VPS13C: variants seen among roughly 807,000 people sequenced by gnomAD.
VPS13C encodes intermembrane lipid transfer protein VPS13C.
VPS13C carries 358 observed loss-of-function variants against 456.8 expected under a neutral mutation model. That is an observed-to-expected ratio of 0.78 (90% confidence interval 0.72 to 0.86). The LOEUF (loss-of-function observed/expected upper bound fraction) is 0.86. VPS13C is among the 40% of genes least tolerant of loss of function. The probability of loss-of-function intolerance (pLI) is 0.00; values close to 1 mark genes in which losing one functional copy is unlikely to be tolerated. For missense variants in VPS13C, 4,818 were observed against 4,385.4 expected, an observed-to-expected ratio of 1.10 and a Z score of -2.79; for synonymous variants, 1,578 against 1,486.7, an observed-to-expected ratio of 1.06 and a Z score of -1.41.
chr15:61,962,553 C>T lies in VPS13C; in HGVS notation c.3436-15G>A. The stretch of plus-strand genomic sequence containing the variant: ...ATTGACACAGCCTGAAAAACAGAGA[C>T]TTGAATGTACTCTATCCGGGAAGGT... On this transcript the variant is annotated splice_polypyrimidine_tract_variant and intron_variant, in intron 33 of 84. Coordinates refer to ENST00000644861, the MANE Select transcript of VPS13C (RefSeq NM_020821.3). 1 of 1,603,430 alleles carries T rather than the reference C, an allele frequency of 6.2e-7. No individual in the cohort carries two copies. Among genetic ancestry groups the T allele is most frequent in the Non-Finnish European group, 8.5e-7 (1 of 1,174,044 alleles).
chr15:61,960,311 T>G (rs1297486878), intron 35 of VPS13C, among the ~76,000 whole-genome samples: 1 of 152,172 alleles, frequency 6.6e-6, no homozygotes, highest in Non-Finnish European at 1.5e-5. Flanking sequence ...GCTGAAGAAC[T>G]ACTCCAAAAT....
chr15:61,999,923 G>A (rs1273672323), intron 16 of VPS13C, among the ~76,000 whole-genome samples: 2 of 149,242 alleles, frequency 1.3e-5, no homozygotes, highest in Non-Finnish European at 3.0e-5. Context: ...AAAAAAAAAG[G>A]AGATAAAAAG....
chr15:61,989,451 C>T (rs2046158600), intron 18 of VPS13C, among the ~76,000 whole-genome samples: 1 of 151,866 alleles, frequency 6.6e-6, no homozygotes, highest in Non-Finnish European at 1.5e-5. Flanking sequence ...GGCAGACAGA[C>T]TTGCAACACA....
Position 61,854,935 on chromosome 15 carries a change from T to C in VPS13C, c.11096A>G (p.Lys3699Arg), listed in dbSNP as rs751208326. 1 of 1,613,124 alleles carries C rather than the reference T, an allele frequency of 6.2e-7. No homozygotes were observed. Among genetic ancestry groups the C allele is most frequent in the Non-Finnish European group, 8.5e-7 (1 of 1,179,692 alleles). Residue 3699 changes from lysine (K) to arginine (R), a missense_variant, in exon 84 of 85, where the codon AAA becomes AGA. Coordinates refer to ENST00000644861, the MANE Select transcript of VPS13C (RefSeq NM_020821.3). ...ISVKEQGLFHKKDSANQGCVR... is the reference protein window; with the variant it reads ...ISVKEQGLFHRKDSANQGCVR... The stretch of plus-strand genomic sequence containing the variant: ...ACAGCCTTGATTGGCACTGTCTTTT[T>C]TGTGGAACAGACCCTGTTCCTGTTT...
At position 61,867,738 on chromosome 15, in the gene VPS13C, A is replaced by G. The variant is rs139932185; in HGVS notation, c.10863+921T>C. 1,078 of 1,439,668 alleles carry G rather than the reference A, an allele frequency of 7.5e-4. 7 individuals carry two copies. In the African/African-American group the frequency reaches 0.014, roughly 19 times the overall value. The allele number at this position is 1,439,668 out of a possible 1,614,324, so 89.2% of individuals were successfully genotyped here. A position where few individuals can be genotyped will look rare whatever the true frequency, so the allele number is the denominator to read the frequency against. ...TTATACTAATCTCTTATTTCTGGACAGTATTACCAGGAATACCACAAGTTT... is the reference window on the plus strand; with the variant it reads ...TTATACTAATCTCTTATTTCTGGACGGTATTACCAGGAATACCACAAGTTT... On this transcript the variant is annotated intron_variant, in intron 81 of 84. Coordinates refer to ENST00000644861, the MANE Select transcript of VPS13C (RefSeq NM_020821.3). The surrounding 1 kb of genome is among the most constrained non-coding windows in gnomAD (Gnocchi z 5.0).
intron 39 of VPS13C, 90 bp downstream of exon 39, chr15:61,951,734 T>A (rs2044801156): frequency 2.2e-6 from 3 of 1,349,172 alleles, no homozygotes; most frequent in Non-Finnish European, 2.0e-6. Flanking sequence ...ATTAACACAA[T>A]TGCACAGAAA....
chr15:61,945,837 G>T lies in VPS13C; in HGVS notation c.5026C>A (p.Leu1676Ile). ...TCTCCTTCTGTGGCATCTGGATAAAGAGTCAGTTGGAACCTAAAGACTTCA... is the reference window on the plus strand; with the variant it reads ...TCTCCTTCTGTGGCATCTGGATAAATAGTCAGTTGGAACCTAAAGACTTCA... ...GDEVFRFQLT[L>I]YPDATEGEAY... The change falls in exon 45 of 85, where the codon CTT (leucine) becomes ATT (isoleucine). Residue 1676 changes from leucine to isoleucine, a missense_variant. Transcript: ENST00000644861. 2 of 1,612,640 alleles carry T rather than the reference G, an allele frequency of 1.2e-6. No individual in the cohort carries two copies. The highest frequency in any genetic ancestry group is 1.7e-6 in the Non-Finnish European group (2 of 1,179,550).
At chr15:62,017,569 C>A (rs1045103539) in intron 9 of VPS13C, among the ~76,000 whole-genome samples, 4 of 152,126 alleles carry the variant, frequency 2.6e-5, no homozygotes, top group Non-Finnish European at 5.9e-5. Flanking sequence ...TTGTTTTCGT[C>A]AGGTTTGTCA....
At position 61,956,340 on chromosome 15, in the gene VPS13C, G is replaced by T. The variant is rs561789789; in HGVS notation, c.4166-1786C>A. On this transcript the variant is annotated intron_variant, in intron 37 of 84. Coordinates refer to ENST00000644861, the MANE Select transcript of VPS13C (RefSeq NM_020821.3). ...GGGACTACTAGAGGGGAGAGGGGGGGACTGGGGGAGGGCTGAAAAACTACC... is the reference window on the plus strand; with the variant it reads ...GGGACTACTAGAGGGGAGAGGGGGGTACTGGGGGAGGGCTGAAAAACTACC... Among the ~76,000 whole-genome samples the T allele has an allele frequency of 3.7e-4, 56 of 150,152 alleles. 1 individual carries two copies. The highest frequency in any genetic ancestry group is 6.5e-4 in the Non-Finnish European group (44 of 67,598).
Position 61,857,301 on chromosome 15 carries a change from G to A in VPS13C, c.10953-892C>T, listed in dbSNP as rs567843650. ...AGTGTGCAGATTAGTCTTTTGGAGC[G>A]AGAGAGAGAGAGGAACAGATCGTAC... On this transcript the variant is annotated intron_variant, in intron 82 of 84. Coordinates refer to ENST00000644861, the MANE Select transcript of VPS13C (RefSeq NM_020821.3). Among the ~76,000 whole-genome samples the A allele has an allele frequency of 4.5e-4, 67 of 149,582 alleles. No homozygotes were observed. In the South Asian group the frequency reaches 0.01, roughly 23 times the overall value.
chr15:61,949,516 C>G lies in VPS13C; in HGVS notation c.4686G>C (p.Glu1562Asp), dbSNP rs1232292696. ...CGGATTCCTTCTCAGAAGAGGAAGGCTCAGAGAATGGAGCAGCAGATGATA... is the reference window on the plus strand; with the variant it reads ...CGGATTCCTTCTCAGAAGAGGAAGGGTCAGAGAATGGAGCAGCAGATGATA... Reference protein sequence around the residue: ...DFLSSAAPFSEPSSSEKESEL... With the variant: ...DFLSSAAPFSDPSSSEKESEL... Residue 1562 changes from glutamate to aspartate, a missense_variant, in exon 42 of 85, where the codon GAG becomes GAC. Physicochemically the swap from Glu to Asp is conservative, Grantham distance 45. Transcript: ENST00000644861. The G allele has an allele frequency of 6.2e-7, 1 of 1,613,742 alleles. No individual in the cohort carries two copies.
intron 27 of VPS13C, among the ~76,000 whole-genome samples, chr15:61,971,569 A>G (rs1163525369): frequency 2.6e-5 from 4 of 152,000 alleles, no homozygotes; most frequent in Admixed American, 6.6e-5. Context: ...CCTGACATTC[A>G]CTCTTAAAGG....
At chr15:61,978,159 G>A (rs773747833) in intron 23 of VPS13C, among the ~76,000 whole-genome samples, 1 of 151,964 alleles carries the variant, frequency 6.6e-6, no homozygotes, top group Non-Finnish European at 1.5e-5. Flanking sequence ...CTACTATTCT[G>A]TAGATACATA....
At position 61,991,756 on chromosome 15, in the gene VPS13C, CCTGTGTCAGCAG is replaced by C; in HGVS notation, c.1388_1399del (p.Ser463_Gly467delinsCys). 1 of 1,613,432 alleles carries C rather than the reference CCTGTGTCAGCAG, an allele frequency of 6.2e-7. No homozygotes were observed. The highest frequency in any genetic ancestry group is 2.2e-5 in the East Asian group (1 of 44,856). The stretch of plus-strand genomic sequence containing the variant: ...ACTAAACCAGCCTCCACGTTTCTCG[CCTGTGTCAGCAG>C]ACTTTTTCCTTAATTTTTGCCCAGA... On this transcript the variant is annotated inframe_deletion, in exon 17 of 85. Transcript: ENST00000644861.
intron 82 of VPS13C, among the ~76,000 whole-genome samples, chr15:61,860,953 CTTTTTTTTTTTTTTT>C (rs781045840): frequency 1.5e-3 from 133 of 89,700 alleles, no homozygotes; most frequent in Admixed American, 3.5e-3. Context: ...TATTTTCTTT[CTTTTTTTTTTTTTTT>C]TTTTTTTTTT....
rs375023319 is a variant in VPS13C, at chr15:61,961,797, G to C, written c.3700C>G (p.Gln1234Glu). 6.2e-7 allele frequency: 1 copy of C among 1,614,002 alleles called. No homozygotes were observed. Among genetic ancestry groups the C allele is most frequent in the East Asian group, 2.2e-5 (1 of 44,858 alleles). ...TTGATGGAAACACGAAAACTCCTCTGGGCAAGATCTTTCACACTTGTGGCA... is the reference window on the plus strand; with the variant it reads ...TTGATGGAAACACGAAAACTCCTCTCGGCAAGATCTTTCACACTTGTGGCA... ...RAATSVKDLA[Q>E]RSFRVSINID... The change falls in exon 35 of 85, where the codon CAG becomes GAG. Residue 1234 changes from glutamine to glutamate, a missense_variant. Coordinates refer to ENST00000644861, the MANE Select transcript of VPS13C (RefSeq NM_020821.3).
chr15:61,991,092 T>A lies in VPS13C; in HGVS notation c.1486A>T (p.Ile496Phe). Residue 496 changes from isoleucine (I) to phenylalanine (F), a missense_variant and splice_region_variant, in exon 18 of 85, where the codon ATT becomes TTT. By Grantham distance (21) the Ile-to-Phe change is conservative. Transcript: ENST00000644861. ...TCCTCTGGAGTCATAAGGTCATCAA[T>A]AGCTATGAAAAAACAACATTTTAAG... is the stretch of plus-strand genomic sequence containing the variant. ...KDEESLIPET[I>F]DDLMTPEEKD... is the part of the protein sequence containing the mutation. The A allele has an allele frequency of 6.3e-7, 1 of 1,596,620 alleles. No individual in the cohort carries two copies.
intron 55 of VPS13C, among the ~76,000 whole-genome samples, chr15:61,921,324 G>A (rs764305252): frequency 4.6e-5 from 7 of 152,006 alleles, no homozygotes; most frequent in African/African-American, 1.4e-4. Flanking sequence ...AGTATGCTAC[G>A]ACAATTTCTT....
intron 82 of VPS13C, among the ~76,000 whole-genome samples, chr15:61,859,983 GA>G (rs924276667): frequency 2.0e-5 from 3 of 149,632 alleles, no homozygotes; most frequent in African/African-American, 4.9e-5. Context: ...AAACTCATAA[GA>G]AAAAAAAATT....
Sources: allele counts gnomAD v4.1 joint callset (sites outside exome capture counted in the v4.1 genomes callset), GRCh38; gene constraint gnomAD v4.1.1; non-coding constraint Gnocchi (gnomAD v3.1); transcripts MANE v1.5; gene names NCBI Gene and HGNC (gene_info 2026-07-23, HGNC 2026-07-21).